Variants in RAB27A observed in about 807,000 individuals in gnomAD.
RAB27A encodes the protein RAB27A, member RAS oncogene family.
Under a neutral mutation model 20.8 loss-of-function variants are expected in RAB27A, and 17 were observed. The observed-to-expected ratio is 0.82, with a 90% CI of 0.56 to 1.23. The LOEUF (loss-of-function observed/expected upper bound fraction) is 1.23, where lower values mean the gene tolerates loss of function less well. RAB27A is among the 50% of genes most tolerant of loss of function. The pLI is 0.00. For missense variants in RAB27A, 277 were observed against 266.7 expected, an observed-to-expected ratio of 1.04 and a Z score of -0.27; for synonymous variants, 85 against 92.8, an observed-to-expected ratio of 0.92 and a Z score of 0.48.
chr15:55,255,117 C>T (rs1229934466), intron 2 of RAB27A, among the ~76,000 whole-genome samples: 1 of 152,160 alleles, frequency 6.6e-6, no homozygotes, highest in Non-Finnish European at 1.5e-5. Flanking sequence ...ATTGACTGCA[C>T]ATAGTATAAG....
chr15:55,252,659 TATTG>T (rs1453972362), intron 2 of RAB27A, among the ~76,000 whole-genome samples: 1 of 151,562 alleles, frequency 6.6e-6, no homozygotes, highest in Admixed American at 6.6e-5. Context: ...CCCCAAAAGC[TATTG>T]ATTGATAGAC....
At chr15:55,294,765 C>G (rs1320735337), upstream of RAB27A, among the ~76,000 whole-genome samples, 1 of 151,886 alleles carries the variant, frequency 6.6e-6, no homozygotes, top group Admixed American at 6.6e-5. Flanking sequence ...CTTTATGACC[C>G]TGGGTTTGGC....
chr15:55,276,039 G>A (rs1897865760), intron 1 of RAB27A, among the ~76,000 whole-genome samples: 1 of 151,796 alleles, frequency 6.6e-6, no homozygotes, highest in African/African-American at 2.4e-5. Flanking sequence ...ACATTATGGA[G>A]CTTCTTTAAA....
At chr15:55,312,448 C>T (rs954313894) in intron 2 of RAB27A, among the ~76,000 whole-genome samples, 2 of 152,174 alleles carry the variant, frequency 1.3e-5, no homozygotes, top group South Asian at 2.1e-4. Flanking sequence ...AGTAGCTCTA[C>T]GTTTAACCAT....
In RAB27A at chr15:55,234,977, T is replaced by G. The variant is rs541316573; in HGVS notation, c.-22-21A>C. 5.8e-6 allele frequency: 9 copies of G among 1,557,808 alleles called. No homozygotes were observed. In the South Asian group the frequency reaches 1.0e-4, roughly 18 times the overall value. On this transcript the variant is annotated intron_variant, in intron 2 of 6. Coordinates refer to ENST00000336787, the MANE Select transcript of RAB27A (RefSeq NM_183235.3). The stretch of plus-strand genomic sequence containing the variant: ...TTCACCTGTAAAATACACACAAAAT[T>G]TTTTAATTAAAATCCATTAGAAAAC...
chr15:55,261,709 CAAAAA>C (rs768256540), intron 2 of RAB27A, among the ~76,000 whole-genome samples: 3 of 18,652 alleles, frequency 1.6e-4, no homozygotes, highest in Non-Finnish European at 2.7e-4. Context: ...CACTGCATCT[CAAAAA>C]AAAAAAAAAA....
chr15:55,314,016 A>AAATAAACC (rs2055032597), intron 2 of RAB27A: 1 of 140,788 alleles, frequency 7.1e-6, no homozygotes, highest in Non-Finnish European at 1.4e-5. Flanking sequence ...ATAAATAAAT[A>AAATAAACC]AACCGGGTGT....
At chr15:55,316,234 C>CA (rs1186678422) in intron 1 of RAB27A, among the ~76,000 whole-genome samples, 3,862 of 53,318 alleles carry the variant, frequency 0.072, 182 homozygotes, top group African/African-American at 0.2. Flanking sequence ...GACTCCGTCT[C>CA]AAAAAAAAAA....
intron 2 of RAB27A, among the ~76,000 whole-genome samples, chr15:55,261,283 G>A (rs909821307): frequency 1.3e-5 from 2 of 151,852 alleles, no homozygotes; most frequent in African/African-American, 4.8e-5. Flanking sequence ...TGTAATCCCA[G>A]CTACTCAGGA....
intron 6 of RAB27A, among the ~76,000 whole-genome samples, chr15:55,214,607 T>G (rs986527084): frequency 2.6e-5 from 4 of 152,222 alleles, no homozygotes; most frequent in African/African-American, 9.6e-5. Flanking sequence ...AGAAAAAAGT[T>G]TGTTGGGAAA....
At chr15:55,214,654 T>C (rs1054565966) in intron 6 of RAB27A, among the ~76,000 whole-genome samples, 1 of 152,220 alleles carries the variant, frequency 6.6e-6, no homozygotes, top group Non-Finnish European at 1.5e-5. Context: ...ACCTCCTGCT[T>C]GCCTCTTAGT....
rs749441289 is a variant in RAB27A, at chr15:55,205,514, C to T, written c.659G>A (p.Gly220Asp). 6.2e-7 allele frequency: 1 copy of T among 1,614,146 alleles called. No homozygotes were observed. The highest frequency in any genetic ancestry group is 8.5e-7 in the Non-Finnish European group (1 of 1,180,006). The change falls in exon 7 of 7, where the codon GGC (glycine) becomes GAC (aspartate). Residue 220 changes from glycine to aspartate, a missense_variant. Gly to Asp is a moderately conservative substitution (Grantham distance 94, BLOSUM62 -1). Coordinates refer to ENST00000336787, the MANE Select transcript of RAB27A (RefSeq NM_183235.3). ...LSEEKEKGAC[G>D]C ...TGTCGCTTACTTGACTTCTCAACAG[C>T]CACATGCCCCTTTCTCCTTTTCTTC...
At chr15:55,261,735 A>G (rs1376933954) in intron 2 of RAB27A, among the ~76,000 whole-genome samples, 168 of 146,030 alleles carry the variant, frequency 1.2e-3, no homozygotes, top group Non-Finnish European at 1.8e-3. Context: ...AAAAAAAAAA[A>G]GCATCTTTTT....
Position 55,279,739 on chromosome 15 carries a change from G to A in RAB27A, c.-142-9455C>T, listed in dbSNP as rs73413677. 7.5e-3 allele frequency among the ~76,000 whole-genome samples: 1,137 copies of A among 152,312 alleles called. 14 individuals carry two copies. The highest frequency in any genetic ancestry group is 0.026 in the African/African-American group (1,094 of 41,580). On this transcript the variant is annotated intron_variant, in intron 1 of 6. Transcript: ENST00000336787. Reference sequence around the variant, plus strand: ...CCTCGCTTGTGTATGGCATTCTAATGAAGACTTACAACAATAGTTTTTGAA... The same window carrying A: ...CCTCGCTTGTGTATGGCATTCTAATAAAGACTTACAACAATAGTTTTTGAA...
At chr15:55,262,264 A>T (rs888758864) in intron 2 of RAB27A, among the ~76,000 whole-genome samples, 17 of 152,106 alleles carry the variant, frequency 1.1e-4, no homozygotes, top group Admixed American at 3.3e-4. Flanking sequence ...AAAGTCGGCC[A>T]GGCGCGGTGG....
chr15:55,266,695 T>A (rs1897499536), intron 2 of RAB27A, among the ~76,000 whole-genome samples: 1 of 152,092 alleles, frequency 6.6e-6, no homozygotes, highest in Non-Finnish European at 1.5e-5. Flanking sequence ...GGTCCCTAAA[T>A]CTACAGATGA....
At chr15:55,249,351 C>T (rs747659741) in intron 2 of RAB27A, among the ~76,000 whole-genome samples, 3 of 152,130 alleles carry the variant, frequency 2.0e-5, no homozygotes, top group African/African-American at 7.2e-5. Flanking sequence ...TATGTCTCAC[C>T]GCAGCCTTGA....
chr15:55,306,547 A>G (rs74015564), intron 2 of RAB27A, among the ~76,000 whole-genome samples: 5,353 of 152,202 alleles, frequency 0.035, 340 homozygotes, highest in African/African-American at 0.12. Context: ...CAGACATACC[A>G]GTATGGGTGA....
intron 5 of RAB27A, among the ~76,000 whole-genome samples, chr15:55,224,694 C>G (rs1199885229): frequency 6.6e-6 from 1 of 152,170 alleles, no homozygotes; most frequent in Admixed American, 6.5e-5. Context: ...TGACTCAAAC[C>G]AAAGAGCTTC....
Sources: allele counts gnomAD v4.1 joint callset (sites outside exome capture counted in the v4.1 genomes callset), GRCh38; gene constraint gnomAD v4.1.1; transcripts MANE v1.5; gene names NCBI Gene and HGNC (gene_info 2026-07-23, HGNC 2026-07-21).